The following SLC34A2 variants were observed in gnomAD, a reference collection of about 807,000 sequenced individuals.
SLC34A2 encodes the protein sodium-dependent phosphate transport protein 2B.
SLC34A2 carries 41 observed loss-of-function variants against 50.8 expected under a neutral mutation model. The observed-to-expected ratio is 0.81, with a 90% CI of 0.63 to 1.05. The LOEUF is 1.05. SLC34A2 is among the 50% of genes least tolerant of loss of function. The pLI is 0.00. For missense variants in SLC34A2, 879 were observed against 876.7 expected (o/e 1.00, Z -0.03); for synonymous variants, 401 against 364.2 (o/e 1.10, Z -1.15).
rs79282651 is a variant in SLC34A2 at position 25,662,489 on chromosome 4, C to T, written c.-3-9C>T. ...TGACTGCTGCTTTAAGCTGTTTTCT[C>T]ATCCACAGACCATGGCTCCCTGGCC... is the stretch of plus-strand genomic sequence containing the variant. On this transcript the variant is annotated splice_polypyrimidine_tract_variant and intron_variant, in intron 1 of 12. Transcript: ENST00000382051. The T allele has an allele frequency of 2.0e-5, 33 of 1,612,380 alleles. No homozygotes were observed. The Admixed American group carries it at 5.0e-4, about 24-fold the overall frequency.
Position 25,676,737 on chromosome 4 carries a change from CACGGCCTTGTAGGGG to C in SLC34A2, c.2065_*6del. ...CTGCCTCGGACTCAAAGACCGAATG[CACGGCCTTGTAGGGG>C]ACGCCCCAGATTGTCAGGGATGGGG... On this transcript the variant is annotated stop_lost and 3_prime_UTR_variant, in exon 13 of 13. Transcript: ENST00000382051. The C allele has an allele frequency of 6.2e-7, 1 of 1,614,110 alleles. No individual in the cohort carries two copies. The highest frequency in any genetic ancestry group is 8.5e-7 in the Non-Finnish European group (1 of 1,179,968).
rs145841234 is a variant in SLC34A2, at chr4:25,662,554, C to T, written c.54C>T (p.Leu18=). Residue 18 remains leucine, a synonymous_variant, in exon 2 of 13, where the codon CTC becomes CTT. Coordinates refer to ENST00000382051, the MANE Select transcript of SLC34A2 (RefSeq NM_006424.3). ...GDAQPNPDKY[L]EGAAGQQPTA... is the part of the protein sequence containing the mutation. The stretch of plus-strand genomic sequence containing the variant: ...CCCAGCCCAACCCCGATAAGTACCT[C>T]GAAGGGGCCGCAGGTCAGCAGCCCA... The T allele has an allele frequency of 5.5e-5, 89 of 1,614,060 alleles. No homozygotes were observed. The highest frequency in any genetic ancestry group is 6.4e-5 in the Non-Finnish European group (76 of 1,179,998).
chr4:25,670,623 G>T, intron 7 of SLC34A2, 115 bp from the exon 8 acceptor site: 1 of 769,600 alleles, frequency 1.3e-6, no homozygotes, highest in Non-Finnish European at 2.3e-6. Context: ...TGCCTCTCTG[G>T]GGGCTCACAG....
chr4:25,675,757 C>A (rs1715074440), intron 12 of SLC34A2, among the ~76,000 whole-genome samples: 1 of 152,340 alleles, frequency 6.6e-6, no homozygotes, highest in African/African-American at 2.4e-5. Flanking sequence ...TGGAAATTGG[C>A]ACCTTGGGAA....
At chr4:25,673,600 G>A (rs936440896) in intron 10 of SLC34A2, among the ~76,000 whole-genome samples, 2 of 151,878 alleles carry the variant, frequency 1.3e-5, no homozygotes, top group African/African-American at 2.4e-5. Context: ...GTCTGCCCTC[G>A]CCCCCACCTC....
chr4:25,657,037 G>A (rs771290752), intron 1 of SLC34A2, among the ~76,000 whole-genome samples: 4 of 152,128 alleles, frequency 2.6e-5, no homozygotes, highest in African/African-American at 7.2e-5. Flanking sequence ...TCCCATGCCC[G>A]CTGATCATGA....
chr4:25,675,273 T>G (rs1715053877), intron 12 of SLC34A2, among the ~76,000 whole-genome samples: 1 of 152,216 alleles, frequency 6.6e-6, no homozygotes, highest in Non-Finnish European at 1.5e-5. Context: ...CCTCATGATG[T>G]GCTTGCCTTG....
chr4:25,669,902 C>G (rs1285398483), intron 7 of SLC34A2, 60 bp downstream of exon 7: 7 of 1,387,304 alleles, frequency 5.0e-6, no homozygotes, highest in Non-Finnish European at 7.2e-6. Context: ...CATCCCCTAC[C>G]TGAGCTGACA....
In SLC34A2 at chr4:25,676,468, C is replaced by A. The variant is rs756835851; in HGVS notation, c.1792C>A (p.Arg598Ser). The stretch of plus-strand genomic sequence containing the variant: ...CTGGAACTTCCTGCCGCTGTGGATG[C>A]GCTCGCTGAAGCCCTGGGATGCCGT... ...QNWNFLPLWM[R>S]SLKPWDAVVS... is the part of the protein sequence containing the mutation. The change falls in exon 13 of 13, where the codon CGC becomes AGC. Residue 598 changes from arginine (R) to serine (S), a missense_variant. By Grantham distance (110) the Arg-to-Ser change is moderately radical (BLOSUM62 -1). Transcript: ENST00000382051. 1.2e-6 allele frequency: 2 copies of A among 1,614,174 alleles called. No homozygotes were observed. The highest frequency in any genetic ancestry group is 1.7e-6 in the Non-Finnish European group (2 of 1,180,038).
intron 10 of SLC34A2, 40 bp from the exon 11 acceptor site, chr4:25,674,256 C>T (rs1268443169): frequency 1.3e-6 from 2 of 1,533,460 alleles, no homozygotes; most frequent in Non-Finnish European, 1.8e-6. Flanking sequence ...GCCATACCTT[C>T]CCCGGAGAGG....
intron 1 of SLC34A2, among the ~76,000 whole-genome samples, chr4:25,656,198 G>C (rs577147490): frequency 6.6e-6 from 1 of 152,184 alleles, no homozygotes; most frequent in African/African-American, 2.4e-5. Flanking sequence ...AGGCCCAGGG[G>C]ATAGAAATCT....
In SLC34A2 at chr4:25,664,277, A is replaced by G; in HGVS notation, c.326A>G (p.Tyr109Cys). 1 of 1,610,900 alleles carries G rather than the reference A, an allele frequency of 6.2e-7. No homozygotes were observed. Among genetic ancestry groups the G allele is most frequent in the Non-Finnish European group, 8.5e-7 (1 of 1,179,534 alleles). The change falls in exon 4 of 13, where the codon TAC becomes TGC. Residue 109 changes from tyrosine to cysteine, a missense_variant. Tyr to Cys is a radical substitution (Grantham distance 194). Transcript: ENST00000382051. ...TTGATTTTACTTCTCGGATTTCTCT[A>G]CTTTTTCGTGTGCTCCCTGGATATT... The part of the protein sequence containing the change: ...GRLILLLGFL[Y>C]FFVCSLDILS...
At position 25,665,163 on chromosome 4, in the gene SLC34A2, CTTTTTTT is replaced by C. The variant is rs10676891; in HGVS notation, c.379+847_379+853del. 3.9e-5 allele frequency: 5 copies of C among 127,446 alleles called. No individual in the cohort carries two copies. In the East Asian group the frequency reaches 6.1e-4, roughly 16 times the overall value. 7.9% of individuals were successfully genotyped at this position (127,446 alleles called of 1,614,324 possible). On this transcript the variant is annotated intron_variant, in intron 4 of 12. Coordinates refer to ENST00000382051, the MANE Select transcript of SLC34A2 (RefSeq NM_006424.3). ...AGGGGCAAACACTTCCTGGACATTG[CTTTTTTT>C]TTTTTTTTTTTTTGAGACAGAGTTT...
chr4:25,675,578 G>A (rs796415582), intron 12 of SLC34A2, among the ~76,000 whole-genome samples: 14 of 152,298 alleles, frequency 9.2e-5, no homozygotes, highest in African/African-American at 2.6e-4. Flanking sequence ...GTAGAAACAG[G>A]CTGATTCATT....
In SLC34A2 at chr4:25,678,110, C is replaced by T. The variant is rs6829065; in HGVS notation, c.*1361C>T. ...CCATCCCAATTCTTCCTGGCCAGTG[C>T]GCTCCAGCCTTATCTAGGAAAGGAG... On this transcript the variant is annotated 3_prime_UTR_variant, in exon 13 of 13. Coordinates refer to ENST00000382051, the MANE Select transcript of SLC34A2 (RefSeq NM_006424.3). 2.6e-5 allele frequency: 4 copies of T among 152,184 alleles called. No individual in the cohort carries two copies. Among genetic ancestry groups the T allele is most frequent in the Admixed American group, 6.6e-5 (1 of 15,262 alleles). The allele number at this position is 152,184 out of a possible 1,614,324, so 9.4% of individuals were successfully genotyped here.
At position 25,669,737 on chromosome 4, in the gene SLC34A2, G is replaced by A; in HGVS notation, c.726G>A (p.Glu242=). ...TGGAGGTGGCCACCCATTACCTCGA[G>A]ATCATAACCCAGCTTATAGTGGAGA... is the stretch of plus-strand genomic sequence containing the variant. ...LPVEVATHYL[E]IITQLIVESF... is the part of the protein sequence containing the mutation. Residue 242 remains glutamate, a synonymous_variant, in exon 7 of 13, where the codon GAG becomes GAA. Transcript: ENST00000382051. The A allele has an allele frequency of 6.2e-7, 1 of 1,614,178 alleles. No individual in the cohort carries two copies. Among genetic ancestry groups the A allele is most frequent in the Non-Finnish European group, 8.5e-7 (1 of 1,180,024 alleles).
chr4:25,660,035 T>A (rs543089432), intron 1 of SLC34A2, among the ~76,000 whole-genome samples: 1 of 152,242 alleles, frequency 6.6e-6, no homozygotes, highest in African/African-American at 2.4e-5. Flanking sequence ...GCTCTTACAA[T>A]GCATGGACAT....
chr4:25,671,802 G>C, intron 9 of SLC34A2, 81 bp downstream of exon 9: 2 of 1,600,820 alleles, frequency 1.2e-6, no homozygotes, highest in Non-Finnish European at 1.7e-6. Flanking sequence ...GTCCCAGTAA[G>C]TGAAGGAAAG....
At chr4:25,673,616 A>T (rs542033175) in intron 10 of SLC34A2, among the ~76,000 whole-genome samples, 1 of 151,900 alleles carries the variant, frequency 6.6e-6, no homozygotes, top group Admixed American at 6.6e-5. Context: ...ACCTCCCTTC[A>T]CTCTTGTAAA....
Sources: allele counts gnomAD v4.1 joint callset (sites outside exome capture counted in the v4.1 genomes callset), GRCh38; gene constraint gnomAD v4.1.1; transcripts MANE v1.5; gene names NCBI Gene and HGNC (gene_info 2026-07-23, HGNC 2026-07-21).